LRRC4C: variants seen among roughly 807,000 people sequenced by gnomAD.
LRRC4C encodes the protein leucine-rich repeat-containing protein 4C.
In LRRC4C, 5 loss-of-function variants were observed where a neutral mutation model predicts 33.6. The observed-to-expected ratio is 0.15, with a 90% CI of 0.08 to 0.31. The LOEUF (loss-of-function observed/expected upper bound fraction) is 0.31, where lower values mean the gene tolerates loss of function less well. LRRC4C is among the 10% of genes least tolerant of loss of function. The probability of loss-of-function intolerance (pLI) is 1.00; values close to 1 mark genes in which losing one functional copy is unlikely to be tolerated. For synonymous variants in LRRC4C, 329 were observed against 302.0 expected, an observed-to-expected ratio of 1.09 and a Z score of -0.93; for missense variants, 560 against 796.7, an observed-to-expected ratio of 0.70 and a Z score of 3.58.
chr11:40,204,706 G>T (rs769311889), intron 5 of LRRC4C, among the ~76,000 whole-genome samples: 1 of 152,028 alleles, frequency 6.6e-6, no homozygotes, highest in South Asian at 2.1e-4. Flanking sequence ...CAACCTCCAG[G>T]CCTTTTTCCC....
chr11:40,801,744 G>A (rs1951051823), intron 2 of LRRC4C, among the ~76,000 whole-genome samples: 1 of 152,064 alleles, frequency 6.6e-6, no homozygotes, highest in African/African-American at 2.4e-5. Context: ...AAACAGTTGA[G>A]TACCAGAAAT....
At chr11:40,555,128 A>G (rs1957284443) in intron 3 of LRRC4C, among the ~76,000 whole-genome samples, 1 of 152,226 alleles carries the variant, frequency 6.6e-6, no homozygotes, top group African/African-American at 2.4e-5. Context: ...GAAGTTGTTT[A>G]TCAGGTCCAG....
At chr11:40,118,221 T>G (rs1345187393) in intron 6 of LRRC4C, among the ~76,000 whole-genome samples, 7 of 148,418 alleles carry the variant, frequency 4.7e-5, no homozygotes, top group Admixed American at 3.4e-4. Context: ...ACAAATATAA[T>G]TATTACTTAT....
intron 3 of LRRC4C, among the ~76,000 whole-genome samples, chr11:40,331,452 C>T (rs556908136): frequency 5.3e-5 from 8 of 152,286 alleles, no homozygotes; most frequent in African/African-American, 1.7e-4. Context: ...GGCATATATA[C>T]ACAATGAAAT....
intron 1 of LRRC4C, among the ~76,000 whole-genome samples, chr11:41,115,807 T>A (rs1320940784): frequency 1.3e-5 from 2 of 152,236 alleles, no homozygotes; most frequent in African/African-American, 4.8e-5. Context: ...ACCAGAGCTA[T>A]GTTCCTGAAT....
intron 5 of LRRC4C, among the ~76,000 whole-genome samples, chr11:40,186,476 G>A (rs1027895628): frequency 6.6e-6 from 1 of 152,152 alleles, no homozygotes; most frequent in Non-Finnish European, 1.5e-5. Flanking sequence ...ATTGGATATT[G>A]TTGGGGCTGT....
chr11:41,127,730 C>G (rs1942815134), intron 1 of LRRC4C, among the ~76,000 whole-genome samples: 3 of 25,936 alleles, frequency 1.2e-4, no homozygotes, highest in South Asian at 7.8e-3. Context: ...CTTCAGTGCT[C>G]TATTCAACAA....
intron 2 of LRRC4C, among the ~76,000 whole-genome samples, chr11:40,821,735 AC>A (rs1951937832): frequency 6.6e-6 from 1 of 151,684 alleles, no homozygotes; most frequent in African/African-American, 2.4e-5. Context: ...ACTTTCACAG[AC>A]CAAAAGGAAC....
At chr11:40,885,494 T>C (rs779856509) in intron 2 of LRRC4C, among the ~76,000 whole-genome samples, 2 of 152,138 alleles carry the variant, frequency 1.3e-5, no homozygotes, top group African/African-American at 2.4e-5. Context: ...GTTTAAAAGA[T>C]AGTTCATCCA....
intron 1 of LRRC4C, among the ~76,000 whole-genome samples, chr11:41,087,573 C>A (rs1330918995): frequency 6.6e-6 from 1 of 152,046 alleles, no homozygotes; most frequent in East Asian, 1.9e-4. Flanking sequence ...AAGCAATAAT[C>A]CCACCTCAGC....
chr11:41,429,320 G>A (rs915897541), intron 1 of LRRC4C, among the ~76,000 whole-genome samples: 8 of 152,036 alleles, frequency 5.3e-5, no homozygotes, highest in African/African-American at 1.4e-4. Context: ...ATCCAGTATT[G>A]GGTATGTCTT....
chr11:40,646,633 C>T (rs1031982585), intron 3 of LRRC4C, among the ~76,000 whole-genome samples: 1 of 152,042 alleles, frequency 6.6e-6, no homozygotes, highest in Non-Finnish European at 1.5e-5. Context: ...TGGAGACGGA[C>T]TCTTGCTCTG....
intron 5 of LRRC4C, among the ~76,000 whole-genome samples, chr11:40,182,942 T>TA (rs1165091281): frequency 3.3e-5 from 5 of 152,094 alleles, no homozygotes; most frequent in Non-Finnish European, 4.4e-5. Context: ...TTTTATGGTT[T>TA]AAAAAAATGG....
At chr11:40,996,995 G>A (rs1476550937) in intron 1 of LRRC4C, among the ~76,000 whole-genome samples, 1 of 152,072 alleles carries the variant, frequency 6.6e-6, no homozygotes, top group Non-Finnish European at 1.5e-5. Context: ...ATCACCCCAA[G>A]TGGGGTATAA....
At chr11:40,824,123 T>C (rs983239399) in intron 2 of LRRC4C, among the ~76,000 whole-genome samples, 1 of 151,848 alleles carries the variant, frequency 6.6e-6, no homozygotes, top group Non-Finnish European at 1.5e-5. Flanking sequence ...AAATCTATAG[T>C]TGCCAAAGAC....
At chr11:41,384,832 C>T (rs998670449) in intron 1 of LRRC4C, among the ~76,000 whole-genome samples, 3 of 148,184 alleles carry the variant, frequency 2.0e-5, no homozygotes, top group African/African-American at 7.4e-5. Context: ...GTATACTATA[C>T]AAATGATTTA....
intron 1 of LRRC4C, among the ~76,000 whole-genome samples, chr11:41,006,688 A>G (rs10837543): frequency 0.16 from 24,064 of 152,176 alleles, 2,063 homozygotes; most frequent in Middle Eastern, 0.22. Context: ...AGAGGCAGAG[A>G]AAAAGAAGGG....
At chr11:40,539,785 T>G (rs1156590785) in intron 3 of LRRC4C, among the ~76,000 whole-genome samples, 2 of 152,152 alleles carry the variant, frequency 1.3e-5, no homozygotes, top group Admixed American at 6.6e-5. Context: ...TTATGAAGAC[T>G]GATGATAAAC....
intron 4 of LRRC4C, among the ~76,000 whole-genome samples, chr11:40,274,049 G>A (rs936145438): frequency 2.6e-5 from 4 of 152,160 alleles, no homozygotes; most frequent in African/African-American, 9.6e-5. Flanking sequence ...GCATTCTCCA[G>A]GTGCATCAAA....
Sources: allele counts gnomAD v4.1 joint callset (sites outside exome capture counted in the v4.1 genomes callset), GRCh38; gene constraint gnomAD v4.1.1; transcripts MANE v1.5; gene names NCBI Gene and HGNC (gene_info 2026-07-23, HGNC 2026-07-21).